VASH1: variants seen among roughly 807,000 people sequenced by gnomAD.
VASH1 encodes the protein tubulinyl-Tyr carboxypeptidase 1.
VASH1 carries 16 observed loss-of-function variants against 35.0 expected under a neutral mutation model. The observed-to-expected ratio is 0.46, with a 90% CI of 0.31 to 0.70. The LOEUF (loss-of-function observed/expected upper bound fraction) is 0.70. Among genes scored for constraint, VASH1 ranks in the 30% least tolerant of loss-of-function variants. The pLI, the probability that VASH1 is intolerant of heterozygous loss-of-function variation, is 0.05. For missense variants in VASH1, 505 were observed against 510.7 expected (o/e 0.99, Z 0.11); for synonymous variants, 214 against 200.9 (o/e 1.07, Z -0.55).
Position 76,778,079 on chromosome 14 carries a change from A to G in VASH1, c.1025+8A>G. 2.0e-6 allele frequency: 3 copies of G among 1,473,454 alleles called. No homozygotes were observed. The highest frequency in any genetic ancestry group is 1.4e-5 in the South Asian group (1 of 72,652). The allele number at this position is 1,473,454 out of a possible 1,614,324, so 91.3% of individuals were successfully genotyped here. A position where few individuals can be genotyped will look rare whatever the true frequency, so the allele number is the denominator to read the frequency against. On this transcript the variant is annotated splice_region_variant and intron_variant, in intron 6 of 6. Transcript: ENST00000167106. ...CAGCCGCAGTGAAAGACGGTGAGAGAGGGACCACGCCTGGGTGGGTCCAAA... is the reference window on the plus strand; with the variant it reads ...CAGCCGCAGTGAAAGACGGTGAGAGGGGGACCACGCCTGGGTGGGTCCAAA...
In VASH1 at chr14:76,763,147, AG is replaced by A. The variant is rs779197342; in HGVS notation, c.309+23del. On this transcript the variant is annotated intron_variant, in intron 1 of 6. Transcript: ENST00000167106. ...CTGCCCAAGGTGAGACACACGGGTC[AG>A]GGGGGTGATAGCACAGTCTAGGTTT... is the stretch of plus-strand genomic sequence containing the variant. 1.4e-6 allele frequency: 2 copies of A among 1,441,928 alleles called. No homozygotes were observed. Among genetic ancestry groups the A allele is most frequent in the Admixed American group, 2.7e-5 (1 of 37,442 alleles). 89.3% of individuals were successfully genotyped at this position (1,441,928 alleles called of 1,614,324 possible). A position where few individuals can be genotyped will look rare whatever the true frequency, so the allele number is the denominator to read the frequency against.
intron 1 of VASH1, among the ~76,000 whole-genome samples, chr14:76,763,668 T>C (rs1025692431): frequency 1.3e-5 from 2 of 152,170 alleles, no homozygotes; most frequent in Non-Finnish European, 2.9e-5. Context: ...TGAGATTCAA[T>C]TTCAGGTCTT....
chr14:76,765,277 G>A lies in VASH1; in HGVS notation c.309+2147G>A, dbSNP rs745525268. Among the ~76,000 whole-genome samples the A allele has an allele frequency of 6.6e-5, 10 of 152,158 alleles. No individual in the cohort carries two copies. The East Asian group carries it at 1.5e-3, about 23-fold the overall frequency. On this transcript the variant is annotated intron_variant, in intron 1 of 6. Transcript: ENST00000167106. ...CAGTCCTCATGTACAGGAAAGACAC[G>A]GATGAAGGAAGTCTAGGGGTGGGGG...
At chr14:76,771,486 A>T (rs997157587) in intron 3 of VASH1, among the ~76,000 whole-genome samples, 6 of 152,190 alleles carry the variant, frequency 3.9e-5, no homozygotes, top group Non-Finnish European at 8.8e-5. Context: ...GCTGAGCTAG[A>T]GGGTGGGAGA....
chr14:76,766,187 A>G (rs1893636608), intron 1 of VASH1, among the ~76,000 whole-genome samples: 2 of 152,232 alleles, frequency 1.3e-5, no homozygotes. Context: ...AGCAGCCTTT[A>G]CAGGGATGAT....
In VASH1 at chr14:76,781,208, G is replaced by A. The variant is rs80016145; in HGVS notation, c.*2190G>A. 325 of 152,394 alleles carry A rather than the reference G, an allele frequency of 2.1e-3. No homozygotes were observed. The highest frequency in any genetic ancestry group is 3.0e-3 in the Non-Finnish European group (206 of 68,088). The allele number at this position is 152,394 out of a possible 1,614,324, so 9.4% of individuals were successfully genotyped here. ...TGGCCTGGCCAGAGGCACCCTGGGAGGCCAGCTGGTCAGTCCCTTGCCTCC... is the reference window on the plus strand; with the variant it reads ...TGGCCTGGCCAGAGGCACCCTGGGAAGCCAGCTGGTCAGTCCCTTGCCTCC... On this transcript the variant is annotated 3_prime_UTR_variant, in exon 7 of 7. Transcript: ENST00000167106.
rs1283164316 is a variant in VASH1 at position 76,773,184 on chromosome 14, A to T, written c.503A>T (p.Lys168Ile). The T allele has an allele frequency of 6.2e-7, 1 of 1,613,986 alleles. No homozygotes were observed. The highest frequency in any genetic ancestry group is 8.5e-7 in the Non-Finnish European group (1 of 1,180,030). The change falls in exon 4 of 7, where the codon AAA becomes ATA. Residue 168 changes from lysine to isoleucine, a missense_variant. Physicochemically the swap from Lys to Ile is moderately radical, Grantham distance 102. Coordinates refer to ENST00000167106, the MANE Select transcript of VASH1 (RefSeq NM_014909.5). ...KEMTKEALPI[K>I]CLEAVILGIY... ...ATGACCAAAGAGGCCCTGCCAATCA[A>T]ATGCCTGGAAGCCGTGATCCTGGGA...
Position 76,777,630 on chromosome 14 carries a change from G to A in VASH1, c.913-329G>A, listed in dbSNP as rs118113485. ...GGGGTGAGTGGGATCTCAGCCCCAA[G>A]TTCAGTGTGGGCTGCTCCCACAACT... On this transcript the variant is annotated intron_variant, in intron 5 of 6. Transcript: ENST00000167106. 7.6e-3 allele frequency among the ~76,000 whole-genome samples: 1,152 copies of A among 152,328 alleles called. 5 individuals are homozygous for A. The highest frequency in any genetic ancestry group is 0.012 in the South Asian group (60 of 4,826).
intron 4 of VASH1, among the ~76,000 whole-genome samples, chr14:76,775,509 C>G (rs1893911421): frequency 6.6e-6 from 1 of 152,050 alleles, no homozygotes; most frequent in African/African-American, 2.4e-5. Context: ...CGTCTGTGGC[C>G]TGTGTGTGTG....
rs756027617 is a variant in VASH1, at chr14:76,762,874, C to T, written c.53C>T (p.Thr18Met). The T allele has an allele frequency of 3.2e-6, 5 of 1,543,516 alleles. No homozygotes were observed. Among genetic ancestry groups the T allele is most frequent in the Non-Finnish European group, 4.4e-6 (5 of 1,144,142 alleles). The change falls in exon 1 of 7, where the codon ACG becomes ATG. Residue 18 changes from threonine (T) to methionine (M), a missense_variant. By Grantham distance (81) the Thr-to-Met change is moderately conservative. Transcript: ENST00000167106. ...AGGGSSGATP[T>M]SAAATAPSGV... is the part of the protein sequence containing the mutation. ...GGTGGCAGCAGCGGTGCCACTCCAA[C>T]GTCCGCTGCGGCCACCGCCCCCTCT...
At position 76,780,714 on chromosome 14, in the gene VASH1, G is replaced by C. The variant is rs1480258524; in HGVS notation, c.*1696G>C. 1 of 152,190 alleles carries C rather than the reference G, an allele frequency of 6.6e-6. No homozygotes were observed. Among genetic ancestry groups the C allele is most frequent in the Non-Finnish European group, 1.5e-5 (1 of 68,038 alleles). The allele number at this position is 152,190 out of a possible 1,614,324, so 9.4% of individuals were successfully genotyped here. A position where few individuals can be genotyped will look rare whatever the true frequency, so the allele number is the denominator to read the frequency against. ...AGAGGCCAGAATTCTGACTTTTTAT[G>C]TGAAATAGGATTTTTAAATGCTGGT... On this transcript the variant is annotated 3_prime_UTR_variant, in exon 7 of 7. Coordinates refer to ENST00000167106, the MANE Select transcript of VASH1 (RefSeq NM_014909.5).
chr14:76,766,626 G>T (rs959972053), intron 1 of VASH1, among the ~76,000 whole-genome samples: 2 of 152,052 alleles, frequency 1.3e-5, no homozygotes, highest in Admixed American at 1.3e-4. Flanking sequence ...TTTTTTGGTT[G>T]AGATGGGGTC....
chr14:76,776,363 T>C (rs1187584573), intron 5 of VASH1, 90 bp downstream of exon 5: 1 of 1,430,818 alleles, frequency 7.0e-7, no homozygotes, highest in African/African-American at 1.4e-5. Flanking sequence ...ACTGGGGAGC[T>C]TCTCAGGGGA....
At position 76,779,580 on chromosome 14, in the gene VASH1, G is replaced by C; in HGVS notation, c.*562G>C. Reference sequence around the variant, plus strand: ...TGTGTAGCCCATTAACCAGGAGCTTGGCACAGGCCACATCTGCCCCAAGAG... The same window carrying C: ...TGTGTAGCCCATTAACCAGGAGCTTCGCACAGGCCACATCTGCCCCAAGAG... On this transcript the variant is annotated 3_prime_UTR_variant, in exon 7 of 7. Transcript: ENST00000167106. The C allele has an allele frequency of 1.5e-6, 1 of 650,306 alleles. No individual in the cohort carries two copies. Among genetic ancestry groups the C allele is most frequent in the Non-Finnish European group, 2.8e-6 (1 of 359,934 alleles). 40.3% of individuals were successfully genotyped at this position (650,306 alleles called of 1,614,324 possible).
In VASH1 at chr14:76,780,988, C is replaced by T. The variant is rs1445478929; in HGVS notation, c.*1970C>T. 6.6e-6 allele frequency: 1 copy of T among 152,342 alleles called. No individual in the cohort carries two copies. The highest frequency in any genetic ancestry group is 1.5e-5 in the Non-Finnish European group (1 of 68,176). 9.4% of individuals were successfully genotyped at this position (152,342 alleles called of 1,614,324 possible). A position where few individuals can be genotyped will look rare whatever the true frequency, so the allele number is the denominator to read the frequency against. On this transcript the variant is annotated 3_prime_UTR_variant, in exon 7 of 7. Coordinates refer to ENST00000167106, the MANE Select transcript of VASH1 (RefSeq NM_014909.5). ...GAGGCCCTTTGCAGTTGCTGGGTCA[C>T]CAGCGGGGGTGGCGCATGGAGTACA...
chr14:76,765,414 G>A (rs968264371), intron 1 of VASH1, among the ~76,000 whole-genome samples: 6 of 152,234 alleles, frequency 3.9e-5, no homozygotes, highest in African/African-American at 1.4e-4. Flanking sequence ...CAGATAAATC[G>A]CATGAGTCTG....
At position 76,761,687 on chromosome 14, in the gene VASH1, A is replaced by C. The variant is rs1411225909; in HGVS notation, c.-1135A>C. Among the ~76,000 whole-genome samples the C allele has an allele frequency of 6.6e-6, 1 of 151,804 alleles. No individual in the cohort carries two copies. The highest frequency in any genetic ancestry group is 1.5e-5 in the Non-Finnish European group (1 of 67,868). On this transcript the variant is annotated 5_prime_UTR_variant, in exon 1 of 7. Coordinates refer to ENST00000167106, the MANE Select transcript of VASH1 (RefSeq NM_014909.5). ...GGCTTCGTCACTCGCCTCCAGCTAC[A>C]TCCGCCGGCCGAGGCTGCGCGAGCC...
At position 76,778,466 on chromosome 14, in the gene VASH1, A is replaced by C. The variant is rs1894008234; in HGVS notation, c.1025+395A>C. Among the ~76,000 whole-genome samples, 3 of 152,302 alleles carry C rather than the reference A, an allele frequency of 2.0e-5. No homozygotes were observed. The South Asian group carries it at 6.2e-4, about 32-fold the overall frequency. On this transcript the variant is annotated intron_variant, in intron 6 of 6. Coordinates refer to ENST00000167106, the MANE Select transcript of VASH1 (RefSeq NM_014909.5). The stretch of plus-strand genomic sequence containing the variant: ...TGTCTGTATCCAGGTAGCAAGAACA[A>C]GCCATTGAAATACCAGCTCTCCTCC...
rs910437770 is a variant in VASH1 at position 76,762,242 on chromosome 14, A to G, written c.-580A>G. On this transcript the variant is annotated 5_prime_UTR_variant, in exon 1 of 7. Transcript: ENST00000167106. Reference sequence around the variant, plus strand: ...CCGGACTTGTCTCGTCGCGTCGGAGAAATCGCCCCCCAGCGCCGCTCTCCC... The same window carrying G: ...CCGGACTTGTCTCGTCGCGTCGGAGGAATCGCCCCCCAGCGCCGCTCTCCC... 1.3e-5 allele frequency: 2 copies of G among 151,804 alleles called. No homozygotes were observed. The highest frequency in any genetic ancestry group is 2.9e-5 in the Non-Finnish European group (2 of 67,922). The allele number at this position is 151,804 out of a possible 1,614,324, so 9.4% of individuals were successfully genotyped here.
Sources: gnomAD v4.1 joint callset for allele counts (sites outside exome capture counted in the v4.1 genomes callset) on GRCh38, gnomAD v4.1.1 for gene constraint, MANE v1.5 for transcripts, NCBI Gene and HGNC (gene_info 2026-07-23, HGNC 2026-07-21) for gene names.